Variants in TRIM62 observed in about 807,000 individuals in gnomAD.
TRIM62 encodes the protein tripartite motif containing 62, also known as E3 ubiquitin-protein ligase TRIM62.
In TRIM62, 39 loss-of-function variants were observed where a neutral mutation model predicts 44.2. The observed-to-expected ratio is 0.88, with a 90% CI of 0.68 to 1.15. TRIM62 has a LOEUF of 1.15. Ranked by LOEUF, TRIM62 falls within the 50% of genes most tolerant of loss-of-function variation. TRIM62 has a pLI of 0.00. For synonymous variants in TRIM62, 278 were observed against 292.3 expected (o/e 0.95, Z 0.50); for missense variants, 544 against 665.5 (o/e 0.82, Z 2.01).
rs1324905786 is a variant in TRIM62, at chr1:33,165,550, T to G, written c.425A>C (p.Gln142Pro). ...FDELQRELKD[Q>P]LQALQDSERE... ...CTCGCTGTCTTGAAGGGCCTGAAGT[T>G]GGTCCTTCAGCTCCCTCTGAAACAC... Residue 142 changes from glutamine (Q) to proline (P), a missense_variant, in exon 2 of 5, where the codon CAA (glutamine) becomes CCA (proline). Gln to Pro is a moderately conservative substitution (Grantham distance 76). Transcript: ENST00000291416. The surrounding 1 kb of genome is among the most constrained non-coding windows in gnomAD (Gnocchi z 4.0). The G allele has an allele frequency of 6.2e-7, 1 of 1,609,386 alleles. No homozygotes were observed. Among genetic ancestry groups the G allele is most frequent in the Admixed American group, 1.7e-5 (1 of 59,620 alleles).
chr1:33,170,912 G>C (rs998125935), intron 1 of TRIM62, among the ~76,000 whole-genome samples: 2 of 152,222 alleles, frequency 1.3e-5, no homozygotes, highest in African/African-American at 4.8e-5. Flanking sequence ...ACAGGGCACA[G>C]AGCCTGGCAC....
intron 3 of TRIM62, 106 bp from the exon 4 acceptor site, chr1:33,158,474 G>A (rs1645212742): frequency 1.2e-6 from 1 of 822,902 alleles, no homozygotes; most frequent in Non-Finnish European, 2.1e-6. Context: ...ATGTGGTCAT[G>A]AGTGAGAAGT....
chr1:33,150,566 A>G (rs1645081961), intron 4 of TRIM62, among the ~76,000 whole-genome samples: 1 of 152,240 alleles, frequency 6.6e-6, no homozygotes, highest in South Asian at 2.1e-4. Context: ...CAATGGAAAC[A>G]CAATCCTCTG....
chr1:33,181,016 G>A lies in TRIM62; in HGVS notation c.408+9C>T, dbSNP rs1296573022. On this transcript the variant is annotated intron_variant, in intron 1 of 4. Coordinates refer to ENST00000291416, the MANE Select transcript of TRIM62 (RefSeq NM_018207.3). The surrounding 1 kb of genome is among the most constrained non-coding windows in gnomAD (Gnocchi z 6.5). Reference sequence around the variant, plus strand: ...CCCGCCCCTTCCCCAGGCAGGCCGGGTAGCGCACCTGCAGCTCGTCGAAGG... The same window carrying A: ...CCCGCCCCTTCCCCAGGCAGGCCGGATAGCGCACCTGCAGCTCGTCGAAGG... 1.3e-6 allele frequency: 2 copies of A among 1,579,118 alleles called. No individual in the cohort carries two copies. The highest frequency in any genetic ancestry group is 2.3e-5 in the South Asian group (2 of 88,540).
In TRIM62 at chr1:33,181,038, A is replaced by C; in HGVS notation, c.395T>G (p.Phe132Cys). The change falls in exon 1 of 5, where the codon TTC becomes TGC. Residue 132 changes from phenylalanine (F) to cysteine (C), a missense_variant. Physicochemically the swap from Phe to Cys is radical, Grantham distance 205. Coordinates refer to ENST00000291416, the MANE Select transcript of TRIM62 (RefSeq NM_018207.3). The surrounding 1 kb of genome is among the most constrained non-coding windows in gnomAD (Gnocchi z 6.5). ...CGGGTAGCGCACCTGCAGCTCGTCG[A>C]AGGCGTCGTCGATGCCGGTGACCTG... ...QHQVTGIDDA[F>C]DELQRELKDQ... 7.3e-7 allele frequency: 1 copy of C among 1,375,516 alleles called. No individual in the cohort carries two copies. Among genetic ancestry groups the C allele is most frequent in the East Asian group, 4.3e-5 (1 of 23,230 alleles). The allele number at this position is 1,375,516 out of a possible 1,614,324, so 85.2% of individuals were successfully genotyped here. A position where few individuals can be genotyped will look rare whatever the true frequency, so the allele number is the denominator to read the frequency against.
chr1:33,157,079 A>T (rs1396186683), intron 4 of TRIM62, among the ~76,000 whole-genome samples: 1 of 151,332 alleles, frequency 6.6e-6, no homozygotes, highest in African/African-American at 2.4e-5. Context: ...TCCTTAAAAA[A>T]CTTAAACCAG....
intron 4 of TRIM62, among the ~76,000 whole-genome samples, chr1:33,150,880 C>T (rs569524100): frequency 6.6e-5 from 10 of 152,276 alleles, no homozygotes; most frequent in South Asian, 2.1e-4. Context: ...GGCAGAAGAG[C>T]GATGCACAGT....
intron 4 of TRIM62, among the ~76,000 whole-genome samples, chr1:33,152,404 A>G (rs1359889402): frequency 2.0e-5 from 3 of 152,146 alleles, no homozygotes; most frequent in Non-Finnish European, 4.4e-5. Flanking sequence ...TGTCTCTACT[A>G]AAAATACAAA....
At chr1:33,171,171 A>G (rs1162566106) in intron 1 of TRIM62, among the ~76,000 whole-genome samples, 1 of 152,098 alleles carries the variant, frequency 6.6e-6, no homozygotes, top group African/African-American at 2.4e-5. Context: ...ACAAACTAGA[A>G]ATTTTACTCC....
In TRIM62 at chr1:33,181,338, C is replaced by T; in HGVS notation, c.95G>A (p.Arg32His). Residue 32 changes from arginine to histidine, a missense_variant, in exon 1 of 5, where the codon CGC becomes CAC. Physicochemically the swap from Arg to His is conservative, Grantham distance 29 (BLOSUM62 0). Transcript: ENST00000291416. This position sits in a 1 kb window ranked among gnomAD's most constrained non-coding sequence, Gnocchi z 6.5. ...VSLGCEHYFC[R>H]RCITEHWVRQ... ...CACCCAGTGCTCCGTGATGCAGCGG[C>T]GGCAGAAGTAATGCTCGCAGCCCAG... 1 of 1,581,744 alleles carries T rather than the reference C, an allele frequency of 6.3e-7. No homozygotes were observed. The highest frequency in any genetic ancestry group is 2.3e-5 in the East Asian group (1 of 43,762).
Position 33,181,158 on chromosome 1 carries a change from G to T in TRIM62, c.275C>A (p.Pro92His). Residue 92 changes from proline to histidine, a missense_variant, in exon 1 of 5, where the codon CCC becomes CAC. Pro to His is a moderately conservative substitution (Grantham distance 77). Transcript: ENST00000291416. This position sits in a 1 kb window ranked among gnomAD's most constrained non-coding sequence, Gnocchi z 6.5. ...AILNARRAARPCQAHDKVKLF... is the reference protein window; with the variant it reads ...AILNARRAARHCQAHDKVKLF... Reference sequence around the variant, plus strand: ...CTTGACCTTGTCGTGCGCCTGGCAGGGTCGCGCGGCGCGGCGCGCGTTGAG... The same window carrying T: ...CTTGACCTTGTCGTGCGCCTGGCAGTGTCGCGCGGCGCGGCGCGCGTTGAG... 2 of 1,599,116 alleles carry T rather than the reference G, an allele frequency of 1.3e-6. No individual in the cohort carries two copies. The highest frequency in any genetic ancestry group is 1.7e-6 in the Non-Finnish European group (2 of 1,177,810).
In TRIM62 at chr1:33,181,412, G is replaced by A; in HGVS notation, c.21C>T (p.Asp7=). Reference sequence around the variant, plus strand: ...TCAGGCAGATGGAGCACAGCAGCTCGTCCTTGAGGCTGCACGCCATGGCGC... The same window carrying A: ...TCAGGCAGATGGAGCACAGCAGCTCATCCTTGAGGCTGCACGCCATGGCGC... The part of the protein sequence containing the change: MACSLK[D]ELLCSICLSI... Residue 7 remains aspartate, a synonymous_variant, in exon 1 of 5, where the codon GAC becomes GAT. Coordinates refer to ENST00000291416, the MANE Select transcript of TRIM62 (RefSeq NM_018207.3). The surrounding 1 kb of genome is among the most constrained non-coding windows in gnomAD (Gnocchi z 6.5). The A allele has an allele frequency of 1.9e-6, 3 of 1,600,858 alleles. No homozygotes were observed. The highest frequency in any genetic ancestry group is 2.5e-6 in the Non-Finnish European group (3 of 1,176,860).
chr1:33,171,262 C>T (rs536364103), intron 1 of TRIM62, among the ~76,000 whole-genome samples: 4 of 152,340 alleles, frequency 2.6e-5, no homozygotes, highest in East Asian at 1.9e-4. Flanking sequence ...ACACTGGTAA[C>T]GGCAGAGACC....
Position 33,161,469 on chromosome 1 carries a change from T to A in TRIM62, c.505-1525A>T, listed in dbSNP as rs1645265832. On this transcript the variant is annotated intron_variant, in intron 2 of 4. Coordinates refer to ENST00000291416, the MANE Select transcript of TRIM62 (RefSeq NM_018207.3). This position sits in a 1 kb window ranked among gnomAD's most constrained non-coding sequence, Gnocchi z 4.3. ...CAGTGCCCAGGGCTCTGTGGGAGGC[T>A]CTACAAAGGCTCAATTAGGGCCTGT... 6.6e-6 allele frequency among the ~76,000 whole-genome samples: 1 copy of A among 151,842 alleles called. No homozygotes were observed. Among genetic ancestry groups the A allele is most frequent in the South Asian group, 2.1e-4 (1 of 4,820 alleles).
intron 4 of TRIM62, among the ~76,000 whole-genome samples, 175 bp downstream of exon 4, chr1:33,158,078 C>A (rs1296280137): frequency 1.3e-5 from 2 of 152,168 alleles, no homozygotes; most frequent in African/African-American, 4.8e-5. Flanking sequence ...TTATGAAGGT[C>A]CACTGAGCTG....
At position 33,177,491 on chromosome 1, in the gene TRIM62, G is replaced by A. The variant is rs889909535; in HGVS notation, c.408+3534C>T. On this transcript the variant is annotated intron_variant, in intron 1 of 4. Coordinates refer to ENST00000291416, the MANE Select transcript of TRIM62 (RefSeq NM_018207.3). The surrounding 1 kb of genome is among the most constrained non-coding windows in gnomAD (Gnocchi z 4.1). The stretch of plus-strand genomic sequence containing the variant: ...GATCTGACCCCTGTGATGTAATCTG[G>A]AGTACAAAGCAATTGTGCTTAGTAG... 7.9e-5 allele frequency among the ~76,000 whole-genome samples: 12 copies of A among 152,146 alleles called. No homozygotes were observed. The highest frequency in any genetic ancestry group is 2.9e-4 in the African/African-American group (12 of 41,418).
chr1:33,150,134 C>T (rs1446246941), intron 4 of TRIM62, among the ~76,000 whole-genome samples: 2 of 152,228 alleles, frequency 1.3e-5, no homozygotes, highest in Non-Finnish European at 2.9e-5. Flanking sequence ...GATTGGCTTT[C>T]CTTAGCCTGA....
At chr1:33,154,198 C>T (rs1051507497) in intron 4 of TRIM62, among the ~76,000 whole-genome samples, 1 of 152,220 alleles carries the variant, frequency 6.6e-6, no homozygotes, top group Non-Finnish European at 1.5e-5. Flanking sequence ...TGGTGGCTCA[C>T]GCCTGTAATG....
At chr1:33,176,580 C>G (rs1557763217) in intron 1 of TRIM62, 1 of 557,752 alleles carries the variant, frequency 1.8e-6, no homozygotes, top group South Asian at 2.2e-5. Flanking sequence ...CACGTCTGCT[C>G]TGACCAAGAT....
Sources: allele counts gnomAD v4.1 joint callset (sites outside exome capture counted in the v4.1 genomes callset), GRCh38; gene constraint gnomAD v4.1.1; non-coding constraint Gnocchi (gnomAD v3.1); transcripts MANE v1.5; gene names NCBI Gene and HGNC (gene_info 2026-07-23, HGNC 2026-07-21).